TLK2: variants seen among roughly 807,000 people sequenced by gnomAD.
TLK2 encodes tousled like kinase 2, also known as serine/threonine-protein kinase tousled-like 2.
TLK2 carries 6 observed loss-of-function variants against 117.3 expected under a neutral mutation model. The observed-to-expected ratio is 0.05, with a 90% CI of 0.03 to 0.10. TLK2 has a LOEUF of 0.10. TLK2 is among the 10% of genes least tolerant of loss of function. TLK2 has a pLI of 1.00. For synonymous variants in TLK2, 257 were observed against 316.7 expected (o/e 0.81, Z 2.00); for missense variants, 299 against 901.2 (o/e 0.33, Z 8.56).
intron 2 of TLK2, among the ~76,000 whole-genome samples, chr17:62,490,784 C>T (rs1172422737): frequency 1.3e-5 from 2 of 152,168 alleles, no homozygotes; most frequent in African/African-American, 2.4e-5. Flanking sequence ...TCAGGTGATC[C>T]ACCTTCCTCG....
intron 15 of TLK2, among the ~76,000 whole-genome samples, chr17:62,581,960 T>C (rs2081252860): frequency 6.6e-6 from 1 of 152,164 alleles, no homozygotes. Flanking sequence ...TAAAAATTCT[T>C]GGGCAGGACA....
intron 17 of TLK2, among the ~76,000 whole-genome samples, chr17:62,597,983 T>G (rs1371936983): frequency 6.6e-6 from 1 of 152,170 alleles, no homozygotes; most frequent in Admixed American, 6.5e-5. Flanking sequence ...GCCAACAGTC[T>G]CAGATATGGC....
intron 2 of TLK2, chr17:62,507,562 C>T (rs1193474488): frequency 2.0e-5 from 3 of 152,130 alleles, no homozygotes; most frequent in African/African-American, 7.2e-5. Flanking sequence ...AGCTATGCTT[C>T]TTTATACCTA....
Position 62,592,015 on chromosome 17 carries a change from C to T in TLK2, c.1461-4570C>T, listed in dbSNP as rs889057128. On this transcript the variant is annotated intron_variant, in intron 16 of 21. Coordinates refer to ENST00000346027, the MANE Select transcript of TLK2 (RefSeq NM_006852.6). ...TGTTGCCCAGGCTGGAGTGCAATGG[C>T]GCAATCTCAGCTCACCACAGCGTCC... Among the ~76,000 whole-genome samples, 28 of 151,480 alleles carry T rather than the reference C, an allele frequency of 1.8e-4. 1 individual carries two copies. The highest frequency in any genetic ancestry group is 4.2e-4 in the South Asian group (2 of 4,788).
intron 15 of TLK2, among the ~76,000 whole-genome samples, chr17:62,582,192 TC>T (rs2081271288): frequency 6.6e-6 from 1 of 152,244 alleles, no homozygotes; most frequent in South Asian, 2.1e-4. Flanking sequence ...TTCTCTCCCT[TC>T]TTAAGTCAGT....
At chr17:62,477,650 G>A (rs2071097595), upstream of TLK2, 1 of 152,194 alleles carries the variant, frequency 6.6e-6, no homozygotes, top group Non-Finnish European at 1.5e-5. Flanking sequence ...AGTCCTTAAA[G>A]TCATCTTCAG....
intron 7 of TLK2, among the ~76,000 whole-genome samples, chr17:62,539,872 G>A (rs1434563928): frequency 6.6e-6 from 1 of 152,104 alleles, no homozygotes; most frequent in African/African-American, 2.4e-5. Flanking sequence ...CCAAGTTTAT[G>A]CGTCTAGCCA....
rs1015069206 is a variant in TLK2 at position 62,535,464 on chromosome 17, C to T, written c.364-706C>T. Among the ~76,000 whole-genome samples the T allele has an allele frequency of 2.6e-5, 4 of 152,134 alleles. No individual in the cohort carries two copies. The Middle Eastern group carries it at 0.01, about 388-fold the overall frequency. ...ACAGAATTGAGAGTGAAATAAGCTT[C>T]ACCTATAAAGTCACGTGACAGGCCA... On this transcript the variant is annotated intron_variant, in intron 6 of 21. Coordinates refer to ENST00000346027, the MANE Select transcript of TLK2 (RefSeq NM_006852.6).
At chr17:62,515,930 T>C (rs1015367890) in intron 2 of TLK2, among the ~76,000 whole-genome samples, 9 of 151,960 alleles carry the variant, frequency 5.9e-5, no homozygotes, top group African/African-American at 2.2e-4. Context: ...TCTCCCTGTT[T>C]TCTTCTTCTT....
At chr17:62,546,936 C>A (rs981947055) in intron 7 of TLK2, among the ~76,000 whole-genome samples, 1 of 152,042 alleles carries the variant, frequency 6.6e-6, no homozygotes, top group Non-Finnish European at 1.5e-5. Context: ...TGATATTTAA[C>A]CCACCTATTA....
intron 10 of TLK2, among the ~76,000 whole-genome samples, chr17:62,563,183 TC>T (rs1373509382): frequency 5.3e-5 from 8 of 152,216 alleles, no homozygotes; most frequent in Non-Finnish European, 8.8e-5. Flanking sequence ...AAGACACAGT[TC>T]CTGCCATCAG....
At position 62,573,205 on chromosome 17, in the gene TLK2, A is replaced by G. The variant is rs758001093; in HGVS notation, c.969-10A>G. The G allele has an allele frequency of 5.0e-5, 80 of 1,608,368 alleles. No homozygotes were observed. The highest frequency in any genetic ancestry group is 6.0e-5 in the Non-Finnish European group (71 of 1,177,422). ...TTTCTTTCTTTGTACAACGTCTTTTATATCTCTAGGCAACAGGAAAGGATA... is the reference window on the plus strand; with the variant it reads ...TTTCTTTCTTTGTACAACGTCTTTTGTATCTCTAGGCAACAGGAAAGGATA... On this transcript the variant is annotated splice_polypyrimidine_tract_variant and intron_variant, in intron 11 of 21. Transcript: ENST00000346027.
intron 2 of TLK2, among the ~76,000 whole-genome samples, chr17:62,487,090 G>C (rs915621994): frequency 6.6e-6 from 1 of 152,116 alleles, no homozygotes; most frequent in African/African-American, 2.4e-5. Context: ...TCAGGAGATC[G>C]AGACCGTCCT....
chr17:62,562,294 A>G (rs1388923422), intron 10 of TLK2, among the ~76,000 whole-genome samples: 1 of 152,214 alleles, frequency 6.6e-6, no homozygotes, highest in Non-Finnish European at 1.5e-5. Context: ...TGGGAGGCGG[A>G]GATTGCAGTG....
chr17:62,498,557 T>C (rs1157081356), intron 2 of TLK2, among the ~76,000 whole-genome samples: 1 of 151,902 alleles, frequency 6.6e-6, no homozygotes, highest in Non-Finnish European at 1.5e-5. Flanking sequence ...ACCCAGCTAA[T>C]TTTTTGTGTT....
chr17:62,512,554 A>G (rs12944378), intron 2 of TLK2, among the ~76,000 whole-genome samples: 34 of 151,652 alleles, frequency 2.2e-4, no homozygotes, highest in Non-Finnish European at 4.1e-4. Context: ...TTTTTTGCCA[A>G]TTTTCTAATT....
intron 16 of TLK2, among the ~76,000 whole-genome samples, chr17:62,592,642 C>T (rs1048764987): frequency 6.6e-6 from 1 of 152,168 alleles, no homozygotes; most frequent in African/African-American, 2.4e-5. Flanking sequence ...TTTTTGGCAC[C>T]AGCGACCGGT....
intron 2 of TLK2, among the ~76,000 whole-genome samples, chr17:62,508,078 T>C (rs2074852026): frequency 2.0e-5 from 3 of 152,010 alleles, no homozygotes; most frequent in African/African-American, 7.2e-5. Context: ...CTTATCAAAA[T>C]TAGTTTTGAT....
intron 2 of TLK2, among the ~76,000 whole-genome samples, chr17:62,483,198 C>G (rs1480188177): frequency 1.3e-5 from 2 of 151,656 alleles, no homozygotes; most frequent in Non-Finnish European, 2.9e-5. Context: ...TCCCCCCACC[C>G]CCGCCTCCCG....
Sources: gnomAD v4.1 joint callset for allele counts (sites outside exome capture counted in the v4.1 genomes callset) on GRCh38, gnomAD v4.1.1 for gene constraint, MANE v1.5 for transcripts, NCBI Gene and HGNC (gene_info 2026-07-23, HGNC 2026-07-21) for gene names.